Variants in HLF observed in about 807,000 individuals in gnomAD.
HLF encodes the protein hepatic leukemia factor.
Under a neutral mutation model 22.6 loss-of-function variants are expected in HLF, and 3 were observed. That is an observed-to-expected ratio of 0.13 (90% CI 0.06 to 0.34). The LOEUF is 0.34. HLF is among the 10% of genes least tolerant of loss of function. HLF has a pLI of 1.00. For missense variants in HLF, 299 were observed against 389.2 expected (o/e 0.77, Z 1.95); for synonymous variants, 151 against 151.8 (o/e 0.99, Z 0.04).
Position 55,315,232 on chromosome 17 carries a change from C to T in HLF, c.457C>T (p.Leu153=). The T allele has an allele frequency of 6.2e-7, 1 of 1,613,878 alleles. No homozygotes were observed. Among genetic ancestry groups the T allele is most frequent in the South Asian group, 1.1e-5 (1 of 91,070 alleles). ...CMQSPIRPGQ[L]LPANRNTPSP... ...AAACTCCTGTGTTGTTCCAGGTCAG[C>T]TGTTGCCAGCAAACCGCAATACACC... is the stretch of plus-strand genomic sequence containing the variant. Residue 153 remains leucine (L), a synonymous_variant, in exon 3 of 4, where the codon CTG becomes TTG. Coordinates refer to ENST00000226067, the MANE Select transcript of HLF (RefSeq NM_002126.5).
At chr17:55,270,847 T>G (rs1005947200) in intron 2 of HLF, among the ~76,000 whole-genome samples, 76 of 152,032 alleles carry the variant, frequency 5.0e-4, no homozygotes, top group Admixed American at 5.2e-4. Flanking sequence ...TTTCACCGTT[T>G]TAGCCGGGAT....
At chr17:55,296,600 C>T (rs943448053) in intron 2 of HLF, among the ~76,000 whole-genome samples, 9 of 152,052 alleles carry the variant, frequency 5.9e-5, no homozygotes, top group African/African-American at 7.2e-5. Context: ...ATAGATCTGC[C>T]GGCTGCATAG....
At chr17:55,273,423 G>GATTTATTT (rs1410829407) in intron 2 of HLF, 1 of 152,124 alleles carries the variant, frequency 6.6e-6, no homozygotes, top group Non-Finnish European at 1.5e-5. Context: ...TCTATTTAGG[G>GATTTATTT]ATTTATTTAT....
At chr17:55,302,439 T>A (rs987593688) in intron 2 of HLF, among the ~76,000 whole-genome samples, 2 of 152,224 alleles carry the variant, frequency 1.3e-5, no homozygotes, top group South Asian at 4.1e-4. Context: ...CTATTCATGT[T>A]CATCCAGAAA....
In HLF at chr17:55,320,570, C is replaced by T. The variant is rs1045001482; in HGVS notation, c.673-94C>T. On this transcript the variant is annotated intron_variant, in intron 3 of 3. Transcript: ENST00000226067. The surrounding 1 kb of genome is among the most constrained non-coding windows in gnomAD (Gnocchi z 4.2). Reference sequence around the variant, plus strand: ...TAAGAAACCCGGGCTGGCACCTCTGCACAATCCTGGAGCCTGCCCGTGCCC... The same window carrying T: ...TAAGAAACCCGGGCTGGCACCTCTGTACAATCCTGGAGCCTGCCCGTGCCC... 30 of 1,116,288 alleles carry T rather than the reference C, an allele frequency of 2.7e-5. No homozygotes were observed. Among genetic ancestry groups the T allele is most frequent in the Non-Finnish European group, 3.9e-5 (30 of 775,022 alleles). 69.1% of individuals were successfully genotyped at this position (1,116,288 alleles called of 1,614,324 possible).
intron 2 of HLF, among the ~76,000 whole-genome samples, chr17:55,270,799 A>G (rs191331066): frequency 0.015 from 2,317 of 150,614 alleles, 62 homozygotes; most frequent in African/African-American, 0.053. Context: ...TAGCGCCACC[A>G]CGCCCGGCTA....
intron 2 of HLF, among the ~76,000 whole-genome samples, chr17:55,268,457 G>A (rs542351845): frequency 1.2e-3 from 176 of 152,280 alleles, no homozygotes; most frequent in Admixed American, 3.0e-3. Context: ...AGCCTCCATC[G>A]CATCTTGTAT....
Position 55,295,082 on chromosome 17 carries a change from T to C in HLF, c.452-20145T>C, listed in dbSNP as rs550950638. ...ATGTCATCCTTTAAACTTGAGAAGC[T>C]TATGAATGGCGAAGAGATATAATTA... is the stretch of plus-strand genomic sequence containing the variant. On this transcript the variant is annotated intron_variant, in intron 2 of 3. Transcript: ENST00000226067. 1.9e-4 allele frequency among the ~76,000 whole-genome samples: 29 copies of C among 152,308 alleles called. 1 individual carries two copies. The South Asian group carries it at 5.8e-3, about 31-fold the overall frequency.
chr17:55,277,371 G>C (rs1426828140), intron 2 of HLF, among the ~76,000 whole-genome samples: 1 of 151,878 alleles, frequency 6.6e-6, no homozygotes, highest in East Asian at 1.9e-4. Context: ...CTGATTGTAA[G>C]GATTACCTGG....
At chr17:55,267,046 G>A (rs1238678922) in intron 1 of HLF, among the ~76,000 whole-genome samples, 1 of 152,204 alleles carries the variant, frequency 6.6e-6, no homozygotes, top group South Asian at 2.1e-4. Flanking sequence ...GTGTGCCCCA[G>A]TGGCTTTAGA....
At chr17:55,291,459 C>T (rs1411789836) in intron 2 of HLF, among the ~76,000 whole-genome samples, 1 of 152,202 alleles carries the variant, frequency 6.6e-6, no homozygotes, top group Non-Finnish European at 1.5e-5. Flanking sequence ...GCCTGGATAA[C>T]AGCACATCTG....
At chr17:55,285,024 C>T (rs2080990926) in intron 2 of HLF, among the ~76,000 whole-genome samples, 1 of 152,142 alleles carries the variant, frequency 6.6e-6, no homozygotes, top group African/African-American at 2.4e-5. Context: ...CAGGGACTGC[C>T]CACAACAGCA....
In HLF at chr17:55,265,081, C is replaced by G. The variant is rs1343868402; in HGVS notation, c.-404C>G. Reference sequence around the variant, plus strand: ...GAGGGGGGTGGGGTGGGACGGCGCACCGCCTCCGGTGCTGGCACTAGGGGC... The same window carrying G: ...GAGGGGGGTGGGGTGGGACGGCGCAGCGCCTCCGGTGCTGGCACTAGGGGC... On this transcript the variant is annotated 5_prime_UTR_variant, in exon 1 of 4. Transcript: ENST00000226067. The G allele has an allele frequency of 5.3e-6, 1 of 188,326 alleles. No homozygotes were observed. Among genetic ancestry groups the G allele is most frequent in the Non-Finnish European group, 1.1e-5 (1 of 89,380 alleles). The allele number at this position is 188,326 out of a possible 1,614,324, so 11.7% of individuals were successfully genotyped here.
At chr17:55,265,904 G>C in intron 1 of HLF, 1 of 1,100,864 alleles carries the variant, frequency 9.1e-7, no homozygotes, top group South Asian at 3.9e-5. Flanking sequence ...TCGTTCCCTA[G>C]AACGAGGCAC....
At chr17:55,271,098 C>T (rs1043952318) in intron 2 of HLF, among the ~76,000 whole-genome samples, 3 of 152,118 alleles carry the variant, frequency 2.0e-5, no homozygotes, top group African/African-American at 2.4e-5. Context: ...CAGTCACTCC[C>T]GGTGGAGAAC....
intron 2 of HLF, among the ~76,000 whole-genome samples, chr17:55,305,178 C>T (rs961492282): frequency 3.3e-5 from 5 of 152,232 alleles, no homozygotes; most frequent in Admixed American, 1.3e-4. Flanking sequence ...TCCTAGTGAG[C>T]CGTGGTCTCT....
chr17:55,267,724 T>A, intron 1 of HLF, 27 bp from the exon 2 acceptor site: 1 of 1,453,760 alleles, frequency 6.9e-7, no homozygotes, highest in Non-Finnish European at 9.3e-7. Context: ...TCTTTTTTTT[T>A]AAGTCCAGCT....
intron 2 of HLF, among the ~76,000 whole-genome samples, chr17:55,302,264 CTG>C (rs770734181): frequency 2.6e-5 from 4 of 152,348 alleles, no homozygotes; most frequent in Admixed American, 6.5e-5. Context: ...GTTTAGGACT[CTG>C]TGAACGTTAG....
chr17:55,310,217 T>C (rs1904766495), intron 2 of HLF, among the ~76,000 whole-genome samples: 1 of 152,142 alleles, frequency 6.6e-6, no homozygotes, highest in South Asian at 2.1e-4. Context: ...AAGAAGCTTT[T>C]AGAAAGAAAA....
Sources: gnomAD v4.1 joint callset for allele counts (sites outside exome capture counted in the v4.1 genomes callset) on GRCh38, gnomAD v4.1.1 for gene constraint, Gnocchi (gnomAD v3.1) non-coding constraint, MANE v1.5 for transcripts, NCBI Gene and HGNC (gene_info 2026-07-23, HGNC 2026-07-21) for gene names.